Variants in ARHGAP42 observed in about 807,000 individuals in gnomAD.
ARHGAP42 encodes Rho GTPase activating protein 42.
A neutral mutation model predicts 125.0 loss-of-function variants in ARHGAP42; 63 were observed. The ratio of observed to expected loss-of-function variants is 0.50; its 90% CI spans 0.41 to 0.62. The LOEUF is 0.62. Ranked by LOEUF, ARHGAP42 falls within the 20% of genes least tolerant of loss-of-function variation. The probability of loss-of-function intolerance (pLI) is 0.00; values close to 1 mark genes in which losing one functional copy is unlikely to be tolerated. For missense variants in ARHGAP42, 766 were observed against 1,024.2 expected (o/e 0.75, Z 3.44); for synonymous variants, 339 against 351.0 (o/e 0.97, Z 0.38).
At chr11:100,840,310 T>C (rs979469928) in intron 3 of ARHGAP42, among the ~76,000 whole-genome samples, 13 of 152,168 alleles carry the variant, frequency 8.5e-5, no homozygotes, top group Non-Finnish European at 1.9e-4. Context: ...GATTTTCTAT[T>C]GCAGGGATTT....
intron 1 of ARHGAP42, among the ~76,000 whole-genome samples, chr11:100,737,311 T>G (rs953922576): frequency 6.6e-6 from 1 of 152,204 alleles, no homozygotes; most frequent in Admixed American, 6.5e-5. Context: ...TAATCTCACT[T>G]AGGATTAGTA....
intron 4 of ARHGAP42, among the ~76,000 whole-genome samples, chr11:100,906,877 C>T (rs1565269783): frequency 6.6e-6 from 1 of 152,198 alleles, no homozygotes; most frequent in Non-Finnish European, 1.5e-5. Context: ...CCATAGTACA[C>T]ATCTAATACA....
chr11:100,861,470 G>T (rs549105790), intron 4 of ARHGAP42, among the ~76,000 whole-genome samples: 1 of 152,320 alleles, frequency 6.6e-6, no homozygotes, highest in African/African-American at 2.4e-5. Flanking sequence ...ATCATGCATG[G>T]ATAGGAGGCC....
intron 12 of ARHGAP42, among the ~76,000 whole-genome samples, chr11:100,952,257 G>C (rs1317604668): frequency 6.6e-6 from 1 of 151,248 alleles, no homozygotes; most frequent in Non-Finnish European, 1.5e-5. Flanking sequence ...CATTTAATTA[G>C]TAAAGTTTCC....
At chr11:100,853,863 G>A (rs1207620818) in intron 3 of ARHGAP42, among the ~76,000 whole-genome samples, 1 of 151,640 alleles carries the variant, frequency 6.6e-6, no homozygotes, top group African/African-American at 2.4e-5. Context: ...GTATGTGCTA[G>A]TGAGATTTCA....
chr11:100,801,888 C>T (rs1388459656), intron 3 of ARHGAP42, among the ~76,000 whole-genome samples: 1 of 152,170 alleles, frequency 6.6e-6, no homozygotes, highest in Non-Finnish European at 1.5e-5. Context: ...TTGTACTGAC[C>T]TTAATAAAAT....
At position 100,978,713 on chromosome 11, in the gene ARHGAP42, GCTCC is replaced by G. The variant is rs1280241851; in HGVS notation, c.2394-272_2394-269del. ...GTAGAGAGAAAATGTTCCTTTTACT[GCTCC>G]CATGGTTTTCTGAGATAAAAAGGAT... On this transcript the variant is annotated intron_variant, in intron 21 of 23. Transcript: ENST00000298815. Among the ~76,000 whole-genome samples, 10 of 152,236 alleles carry G rather than the reference GCTCC, an allele frequency of 6.6e-5. No homozygotes were observed. The South Asian group carries it at 2.1e-3, about 32-fold the overall frequency.
At chr11:100,749,581 C>A (rs1235660750) in intron 1 of ARHGAP42, among the ~76,000 whole-genome samples, 1 of 152,192 alleles carries the variant, frequency 6.6e-6, no homozygotes. Context: ...CTCTGAAGGT[C>A]CCTTGCACAC....
At chr11:100,940,465 A>T (rs1204580429) in intron 8 of ARHGAP42, among the ~76,000 whole-genome samples, 1 of 152,134 alleles carries the variant, frequency 6.6e-6, no homozygotes, top group African/African-American at 2.4e-5. Flanking sequence ...CCTATGGGAA[A>T]ACTGAAGGTC....
chr11:100,896,285 T>C (rs1866361015), intron 4 of ARHGAP42, among the ~76,000 whole-genome samples: 1 of 152,358 alleles, frequency 6.6e-6, no homozygotes, highest in Non-Finnish European at 1.5e-5. Flanking sequence ...CTATTGTGAA[T>C]AGTGCCACAA....
intron 3 of ARHGAP42, among the ~76,000 whole-genome samples, chr11:100,808,318 A>G (rs1280024800): frequency 6.6e-6 from 1 of 152,058 alleles, no homozygotes. Context: ...TGATAATTTG[A>G]TACATGTAAT....
At position 100,992,797 on chromosome 11, in the gene ARHGAP42, T is replaced by C; in HGVS notation, c.*3996T>C. The C allele has an allele frequency of 1.5e-6, 2 of 1,375,458 alleles. No homozygotes were observed. The highest frequency in any genetic ancestry group is 1.4e-5 in the South Asian group (1 of 69,514). The allele number at this position is 1,375,458 out of a possible 1,614,324, so 85.2% of individuals were successfully genotyped here. A position where few individuals can be genotyped will look rare whatever the true frequency, so the allele number is the denominator to read the frequency against. ...AATAAAGAATCTTACATAAGAATGT[T>C]GACAACATTCACAGTAAGCCATTGG... On this transcript the variant is annotated 3_prime_UTR_variant, in exon 24 of 24. Transcript: ENST00000298815.
At chr11:100,955,892 A>C (rs931120065) in intron 12 of ARHGAP42, among the ~76,000 whole-genome samples, 1 of 151,978 alleles carries the variant, frequency 6.6e-6, no homozygotes, top group Non-Finnish European at 1.5e-5. Flanking sequence ...AAGTATAGTA[A>C]CCCCTACTTG....
intron 12 of ARHGAP42, among the ~76,000 whole-genome samples, chr11:100,950,524 C>T (rs1274022894): frequency 1.3e-5 from 2 of 151,538 alleles, no homozygotes; most frequent in African/African-American, 4.8e-5. Context: ...CTTGTCATTA[C>T]ACATGGTATA....
At chr11:100,964,182 A>G (rs958988605) in intron 16 of ARHGAP42, among the ~76,000 whole-genome samples, 4 of 152,278 alleles carry the variant, frequency 2.6e-5, no homozygotes, top group Admixed American at 6.5e-5. Flanking sequence ...TCAGATCCTA[A>G]GAGATATTTC....
At chr11:100,712,384 C>T (rs751125651) in intron 1 of ARHGAP42, among the ~76,000 whole-genome samples, 1 of 151,804 alleles carries the variant, frequency 6.6e-6, no homozygotes, top group Middle Eastern at 3.2e-3. Flanking sequence ...AAGAGAAAAG[C>T]GAAGTACAGA....
intron 2 of ARHGAP42, among the ~76,000 whole-genome samples, chr11:100,775,605 G>A (rs914423694): frequency 2.6e-5 from 4 of 152,126 alleles, no homozygotes; most frequent in Non-Finnish European, 5.9e-5. Context: ...GTTTATGGTG[G>A]GTTAGTTCAA....
At chr11:100,976,702 C>A in intron 20 of ARHGAP42, 113 bp from the exon 21 acceptor site, 1 of 1,326,888 alleles carries the variant, frequency 7.5e-7, no homozygotes, top group Non-Finnish European at 1.0e-6. Flanking sequence ...ACATTCTGTA[C>A]CTTCCCATTT....
At chr11:100,971,845 G>A (rs531028710) in intron 17 of ARHGAP42, among the ~76,000 whole-genome samples, 3 of 152,040 alleles carry the variant, frequency 2.0e-5, no homozygotes, top group Admixed American at 6.6e-5. Context: ...TAAGGAAACC[G>A]AAACCTAGAG....
Sources: gnomAD v4.1 joint callset for allele counts (sites outside exome capture counted in the v4.1 genomes callset) on GRCh38, gnomAD v4.1.1 for gene constraint, MANE v1.5 for transcripts, NCBI Gene and HGNC (gene_info 2026-07-23, HGNC 2026-07-21) for gene names.